The following OPCML variants were observed in gnomAD, a reference collection of about 807,000 sequenced individuals.
OPCML encodes the protein opioid-binding protein/cell adhesion molecule.
In OPCML, 13 loss-of-function variants were observed where a neutral mutation model predicts 37.8. That is an observed-to-expected ratio of 0.34 (90% confidence interval 0.22 to 0.55). The LOEUF is 0.55. Among genes scored for constraint, OPCML ranks in the 20% least tolerant of loss-of-function variants. The pLI, the probability that OPCML is intolerant of heterozygous loss-of-function variation, is 0.91. For missense variants in OPCML, 341 were observed against 435.6 expected (o/e 0.78, Z 1.93); for synonymous variants, 176 against 168.8 (o/e 1.04, Z -0.33).
At position 133,003,874 on chromosome 11, in the gene OPCML, C is replaced by T; in HGVS notation, c.62-60864G>A. 8.1e-6 allele frequency: 8 copies of T among 985,378 alleles called. No homozygotes were observed. The South Asian group carries it at 1.9e-4, about 23-fold the overall frequency. 61.0% of individuals were successfully genotyped at this position (985,378 alleles called of 1,614,324 possible). A position where few individuals can be genotyped will look rare whatever the true frequency, so the allele number is the denominator to read the frequency against. On this transcript the variant is annotated intron_variant, in intron 1 of 7. Transcript: ENST00000524381. ...CTTGCCATCCACCGTGTGCCCTCGA[C>T]CCCTTTTGACAGTTGTCAGGATCCC...
At chr11:133,408,584 G>A (rs1426350773) in intron 1 of OPCML, among the ~76,000 whole-genome samples, 1 of 152,150 alleles carries the variant, frequency 6.6e-6, no homozygotes, top group East Asian at 1.9e-4. Context: ...AGCTCAGGGC[G>A]CCAGGTGGGA....
At chr11:133,128,537 C>T (rs1949554252) in intron 1 of OPCML, among the ~76,000 whole-genome samples, 1 of 152,162 alleles carries the variant, frequency 6.6e-6, no homozygotes, top group Non-Finnish European at 1.5e-5. Flanking sequence ...GGGCATGGCT[C>T]AGACTTTCAA....
chr11:132,546,179 G>A (rs2096368241), intron 3 of OPCML, among the ~76,000 whole-genome samples: 1 of 152,198 alleles, frequency 6.6e-6, no homozygotes, highest in African/African-American at 2.4e-5. Context: ...TGTCTTCGGT[G>A]AACTCTCTGT....
chr11:132,478,476 T>A (rs913077424), intron 4 of OPCML, among the ~76,000 whole-genome samples: 7 of 152,130 alleles, frequency 4.6e-5, no homozygotes, highest in African/African-American at 1.7e-4. Context: ...ACACAACACA[T>A]CCTTAACATG....
intron 1 of OPCML, chr11:133,025,499 T>A (rs896918023): frequency 5.1e-6 from 5 of 984,658 alleles, no homozygotes; most frequent in Non-Finnish European, 6.0e-6. Flanking sequence ...CAGTCGGCTC[T>A]CTCAGGAACA....
In OPCML at chr11:132,688,723, C is replaced by T. The variant is rs537826440; in HGVS notation, c.147-31404G>A. Among the ~76,000 whole-genome samples the T allele has an allele frequency of 1.2e-4, 4 of 34,602 alleles. 2 individuals are homozygous for T. Among genetic ancestry groups the T allele is most frequent in the African/African-American group, 5.3e-4 (4 of 7,526 alleles). 22.7% of individuals were successfully genotyped at this position (34,602 alleles called of 152,430 possible). ...GATTGGGAGGCCGAGGCGGGTGGATCATGAGGTCAGGAGATCGAGACCATC... is the reference window on the plus strand; with the variant it reads ...GATTGGGAGGCCGAGGCGGGTGGATTATGAGGTCAGGAGATCGAGACCATC... On this transcript the variant is annotated intron_variant, in intron 2 of 7. Coordinates refer to ENST00000524381, the MANE Select transcript of OPCML (RefSeq NM_001012393.5).
intron 1 of OPCML, among the ~76,000 whole-genome samples, chr11:133,464,209 A>C: frequency 6.6e-6 from 1 of 151,954 alleles, no homozygotes; most frequent in East Asian, 1.9e-4. Flanking sequence ...ATAAAGCAAA[A>C]CTCCAACATT....
intron 1 of OPCML, among the ~76,000 whole-genome samples, chr11:133,267,000 AC>A (rs1245185798): frequency 6.6e-6 from 1 of 152,224 alleles, no homozygotes. Context: ...TCTTCAAGAT[AC>A]ATCTCCTATG....
At chr11:132,813,115 T>C (rs1939441789) in intron 2 of OPCML, among the ~76,000 whole-genome samples, 1 of 152,212 alleles carries the variant, frequency 6.6e-6, no homozygotes, top group South Asian at 2.1e-4. Context: ...TTTCATTGCT[T>C]TTGAATTTAA....
intron 1 of OPCML, among the ~76,000 whole-genome samples, chr11:132,997,492 C>T (rs935322939): frequency 6.6e-6 from 1 of 152,214 alleles, no homozygotes; most frequent in Non-Finnish European, 1.5e-5. Context: ...ATCTGATTGG[C>T]ACATCCCAGA....
At chr11:133,518,418 G>C (rs1464120427) in intron 1 of OPCML, among the ~76,000 whole-genome samples, 1 of 151,966 alleles carries the variant, frequency 6.6e-6, no homozygotes, top group Non-Finnish European at 1.5e-5. Context: ...GATGTGCATG[G>C]ATGGGTTTGT....
intron 7 of OPCML, among the ~76,000 whole-genome samples, chr11:132,420,605 G>C (rs1022335322): frequency 1.1e-4 from 17 of 152,224 alleles, no homozygotes; most frequent in African/African-American, 3.9e-4. Flanking sequence ...CCTGCTGGCT[G>C]TTTTCTAATC....
rs141603376 is a variant in OPCML, at chr11:132,841,075, A to G, written c.146+101851T>C. ...ACCTATCCCATAAGGCTGTTTGCAA[A>G]TGGAGGGAGAAACGTGCCTATAAAG... On this transcript the variant is annotated intron_variant, in intron 2 of 7. Coordinates refer to ENST00000524381, the MANE Select transcript of OPCML (RefSeq NM_001012393.5). 3.7e-3 allele frequency among the ~76,000 whole-genome samples: 556 copies of G among 152,264 alleles called. 4 individuals are homozygous for G. The highest frequency in any genetic ancestry group is 0.012 in the African/African-American group (507 of 41,532).
At chr11:132,777,274 G>C (rs977401548) in intron 2 of OPCML, among the ~76,000 whole-genome samples, 5 of 152,210 alleles carry the variant, frequency 3.3e-5, no homozygotes, top group Admixed American at 6.5e-5. Context: ...TCAGTCACAT[G>C]CACTTCCTTT....
intron 2 of OPCML, among the ~76,000 whole-genome samples, chr11:132,737,820 G>T (rs1355312948): frequency 7.2e-5 from 11 of 152,148 alleles, no homozygotes. Flanking sequence ...GATGCTACAG[G>T]ATTCAGTGAA....
chr11:132,614,151 A>T (rs1291048770), intron 3 of OPCML, among the ~76,000 whole-genome samples: 1 of 151,658 alleles, frequency 6.6e-6, no homozygotes, highest in Admixed American at 6.6e-5. Flanking sequence ...TCTTCAAAAG[A>T]CTCCCGGTTC....
At chr11:133,437,603 C>T (rs1320311750) in intron 1 of OPCML, among the ~76,000 whole-genome samples, 1 of 151,120 alleles carries the variant, frequency 6.6e-6, no homozygotes, top group Non-Finnish European at 1.5e-5. Flanking sequence ...GCACGCCATG[C>T]ACTTCAAAAC....
At chr11:132,757,390 T>A (rs571955290) in intron 2 of OPCML, among the ~76,000 whole-genome samples, 31 of 152,350 alleles carry the variant, frequency 2.0e-4, no homozygotes, top group African/African-American at 7.0e-4. Context: ...CCTTCCACAA[T>A]GGCTGAACTA....
intron 1 of OPCML, among the ~76,000 whole-genome samples, chr11:133,158,903 G>A (rs1248362212): frequency 6.6e-6 from 1 of 151,992 alleles, no homozygotes; most frequent in Non-Finnish European, 1.5e-5. Context: ...GCAGAAATGT[G>A]GTCAACAGCC....
Sources: allele counts gnomAD v4.1 joint callset (sites outside exome capture counted in the v4.1 genomes callset), GRCh38; gene constraint gnomAD v4.1.1; transcripts MANE v1.5; gene names NCBI Gene and HGNC (gene_info 2026-07-23, HGNC 2026-07-21).